PTPRE: variants seen among roughly 807,000 people sequenced by gnomAD.
PTPRE encodes the protein protein tyrosine phosphatase receptor type E, also known as receptor-type tyrosine-protein phosphatase epsilon.
A neutral mutation model predicts 102.0 loss-of-function variants in PTPRE; 51 were observed. The observed-to-expected ratio is 0.50, with a 90% CI of 0.40 to 0.63. PTPRE has a LOEUF of 0.63. Among genes scored for constraint, PTPRE ranks in the 30% least tolerant of loss-of-function variants. PTPRE has a pLI of 0.00. For synonymous variants in PTPRE, 345 were observed against 348.2 expected, an observed-to-expected ratio of 0.99 and a Z score of 0.10; for missense variants, 752 against 915.1, an observed-to-expected ratio of 0.82 and a Z score of 2.30.
intron 1 of PTPRE, among the ~76,000 whole-genome samples, chr10:127,913,877 C>A (rs1455105989): frequency 6.6e-6 from 1 of 152,190 alleles, no homozygotes; most frequent in African/African-American, 2.4e-5. Flanking sequence ...CATCCACCAG[C>A]CTTTTGGTCT....
At position 127,907,352 on chromosome 10, in the gene PTPRE, A is replaced by T. The variant is rs1408889042; in HGVS notation, c.-31+43A>T. The T allele has an allele frequency of 9.2e-6, 9 of 983,442 alleles. No individual in the cohort carries two copies. The highest frequency in any genetic ancestry group is 5.2e-4 in the Middle Eastern group (1 of 1,930). The allele number at this position is 983,442 out of a possible 1,614,324, so 60.9% of individuals were successfully genotyped here. On this transcript the variant is annotated intron_variant, in intron 1 of 20. Coordinates refer to ENST00000254667, the MANE Select transcript of PTPRE (RefSeq NM_006504.6). This position sits in a 1 kb window ranked among gnomAD's most constrained non-coding sequence, Gnocchi z 4.8. ...CAGGGACCCTGCGCCCCTGTGGGGA[A>T]CTGTGCACCCCGGGAGGCCCAAGCA...
chr10:127,912,321 C>G (rs1459356847), intron 1 of PTPRE, among the ~76,000 whole-genome samples: 1 of 152,122 alleles, frequency 6.6e-6, no homozygotes, highest in African/African-American at 2.4e-5. Flanking sequence ...TAAACATATC[C>G]TTTTATATTG....
At chr10:128,051,107 T>C (rs1848531055) in intron 6 of PTPRE, among the ~76,000 whole-genome samples, 2 of 152,212 alleles carry the variant, frequency 1.3e-5, no homozygotes, top group Non-Finnish European at 2.9e-5. Flanking sequence ...AAAATAACTA[T>C]CCAAGTTTTC....
chr10:127,918,029 A>C, intron 1 of PTPRE, among the ~76,000 whole-genome samples: 1 of 151,444 alleles, frequency 6.6e-6, no homozygotes, highest in East Asian at 1.9e-4. Flanking sequence ...ACACCATCTC[A>C]AAAAAAAAGC....
chr10:128,013,889 C>T (rs1845214086), intron 2 of PTPRE, among the ~76,000 whole-genome samples: 1 of 152,044 alleles, frequency 6.6e-6, no homozygotes, highest in Non-Finnish European at 1.5e-5. Context: ...TTCCCGAAGG[C>T]AGGGCTGTGT....
rs201703871 is a variant in PTPRE at position 128,066,206 on chromosome 10, T to A, written c.843+12T>A. On this transcript the variant is annotated intron_variant, in intron 11 of 20. Transcript: ENST00000254667. The stretch of plus-strand genomic sequence containing the variant: ...TCTGCATACAGCCAGTAAGCATCTC[T>A]AGTTGCTGCCCTTCCAGAAAGATCA... The A allele has an allele frequency of 1.2e-3, 1,954 of 1,611,912 alleles. 3 individuals are homozygous for A. Among genetic ancestry groups the A allele is most frequent in the Non-Finnish European group, 1.5e-3 (1,715 of 1,178,314 alleles).
At chr10:128,040,784 T>A in intron 2 of PTPRE, 91 bp from the exon 3 acceptor site, 1 of 915,290 alleles carries the variant, frequency 1.1e-6, no homozygotes. Context: ...TGAAATGAAG[T>A]TGGCTCTTCT....
chr10:127,967,560 G>A (rs1021002588), intron 1 of PTPRE, among the ~76,000 whole-genome samples: 2 of 152,194 alleles, frequency 1.3e-5, no homozygotes, highest in Non-Finnish European at 2.9e-5. Flanking sequence ...CCAGCCATGT[G>A]GAACTGTGAG....
intron 1 of PTPRE, among the ~76,000 whole-genome samples, chr10:127,966,746 G>A (rs961979236): frequency 5.3e-5 from 8 of 152,138 alleles, no homozygotes; most frequent in Admixed American, 3.3e-4. Context: ...ATGGCAAGAG[G>A]TGCAGCTGAG....
chr10:127,992,584 G>A (rs899935360), intron 2 of PTPRE, among the ~76,000 whole-genome samples: 7 of 152,050 alleles, frequency 4.6e-5, no homozygotes, highest in Non-Finnish European at 8.8e-5. Flanking sequence ...AACGCTCCTG[G>A]GCCTCGGGGC....
rs1055507480 is a variant in PTPRE, at chr10:128,028,028, C to T, written c.-7-12847C>T. 7.2e-5 allele frequency among the ~76,000 whole-genome samples: 11 copies of T among 152,230 alleles called. No homozygotes were observed. Among genetic ancestry groups the T allele is most frequent in the African/African-American group, 2.7e-4 (11 of 41,470 alleles). ...AAGGCAGGACAGGCCATGGCAGAGG[C>T]TTCAGGGGAGGGTTCCGGCTTTGGC... On this transcript the variant is annotated intron_variant, in intron 2 of 20. Transcript: ENST00000254667. The surrounding 1 kb of genome is among the most constrained non-coding windows in gnomAD (Gnocchi z 4.5).
chr10:128,056,824 G>C (rs1849010554), intron 7 of PTPRE, among the ~76,000 whole-genome samples: 1 of 152,084 alleles, frequency 6.6e-6, no homozygotes, highest in Non-Finnish European at 1.5e-5. Context: ...GTGCGTCTCG[G>C]TGACCTGCTC....
rs1851697832 is a variant in PTPRE, at chr10:127,982,293, C to T, written c.-11C>T. On this transcript the variant is annotated 5_prime_UTR_variant, in exon 2 of 21. Transcript: ENST00000254667. ...CTTCAGACTATAGCCTTCACTTTCCCTCGGTGAGTACAAAACTTTTTAAAA... is the reference window on the plus strand; with the variant it reads ...CTTCAGACTATAGCCTTCACTTTCCTTCGGTGAGTACAAAACTTTTTAAAA... 1.6e-6 allele frequency: 2 copies of T among 1,266,218 alleles called. No homozygotes were observed. The highest frequency in any genetic ancestry group is 4.8e-5 in the Admixed American group (2 of 41,486). 78.4% of individuals were successfully genotyped at this position (1,266,218 alleles called of 1,614,324 possible). A position where few individuals can be genotyped will look rare whatever the true frequency, so the allele number is the denominator to read the frequency against.
At chr10:128,057,033 T>A (rs988839346) in intron 7 of PTPRE, among the ~76,000 whole-genome samples, 4 of 151,888 alleles carry the variant, frequency 2.6e-5, no homozygotes, top group Non-Finnish European at 5.9e-5. Flanking sequence ...CTGGCCAAGA[T>A]GGTGAAACCC....
intron 1 of PTPRE, among the ~76,000 whole-genome samples, chr10:127,977,561 C>T (rs186604449): frequency 8.3e-4 from 127 of 152,270 alleles, no homozygotes; most frequent in Non-Finnish European, 1.4e-3. Flanking sequence ...TCCTTTTGTC[C>T]GAGTTTGGAA....
intron 2 of PTPRE, among the ~76,000 whole-genome samples, chr10:128,018,951 T>C (rs1845646629): frequency 6.6e-6 from 1 of 152,166 alleles, no homozygotes; most frequent in Admixed American, 6.5e-5. Flanking sequence ...TCTACAGAAA[T>C]GACTAATGTG....
chr10:128,042,227 C>T (rs1847756922), intron 3 of PTPRE, among the ~76,000 whole-genome samples: 1 of 152,156 alleles, frequency 6.6e-6, no homozygotes, highest in Admixed American at 6.5e-5. Context: ...CCCGGATGTA[C>T]CCTCACATCC....
chr10:128,010,878 A>G (rs1378724154), intron 2 of PTPRE, among the ~76,000 whole-genome samples: 1 of 152,164 alleles, frequency 6.6e-6, no homozygotes, highest in Non-Finnish European at 1.5e-5. Flanking sequence ...GGCGTGAGCC[A>G]CTGCTCCCGG....
Position 128,061,616 on chromosome 10 carries a change from C to T in PTPRE, c.589-63C>T, listed in dbSNP as rs1208300366. On this transcript the variant is annotated intron_variant, in intron 8 of 20. Coordinates refer to ENST00000254667, the MANE Select transcript of PTPRE (RefSeq NM_006504.6). The stretch of plus-strand genomic sequence containing the variant: ...ATGTACTGCTTTCCTAACAGCAACA[C>T]CAACAAATCCTTTCAGCAAAGATAA... 14 of 1,540,254 alleles carry T rather than the reference C, an allele frequency of 9.1e-6. No homozygotes were observed. The East Asian group carries it at 1.9e-4, about 21-fold the overall frequency.
Sources: gnomAD v4.1 joint callset for allele counts (sites outside exome capture counted in the v4.1 genomes callset) on GRCh38, gnomAD v4.1.1 for gene constraint, Gnocchi (gnomAD v3.1) non-coding constraint, MANE v1.5 for transcripts, NCBI Gene and HGNC (gene_info 2026-07-23, HGNC 2026-07-21) for gene names.